The following MUC4 variants were observed in gnomAD, a reference collection of about 807,000 sequenced individuals.
The protein encoded by MUC4 is mucin 4, cell surface associated, also known as mucin-4.
MUC4 carries 202 observed loss-of-function variants against 257.9 expected under a neutral mutation model. The observed-to-expected ratio is 0.78, with a 90% CI of 0.70 to 0.88. The LOEUF (loss-of-function observed/expected upper bound fraction) is 0.88. Among genes scored for constraint, MUC4 ranks in the 40% least tolerant of loss-of-function variants. The pLI, the probability that MUC4 is intolerant of heterozygous loss-of-function variation, is 0.00. For synonymous variants in MUC4, 2,351 were observed against 2,757.1 expected (o/e 0.85, Z 4.62); for missense variants, 5,976 against 6,513.7 (o/e 0.92, Z 2.84).
At chr3:195,759,885 C>T (rs1718415315) in intron 16 of MUC4, among the ~76,000 whole-genome samples, 2 of 137,082 alleles carry the variant, frequency 1.5e-5, no homozygotes, top group African/African-American at 5.2e-5. Flanking sequence ...CGTCACTGCA[C>T]TCCAGCCTGG....
Position 195,785,509 on chromosome 3 carries a change from G to T in MUC4, c.6071C>A (p.Ser2024Ter). ...ATPLPVTSLS[S>*]ASTGDTTPLP... The stretch of plus-strand genomic sequence containing the variant: ...CGGCGTGGTGTCACCAGTGGATGCT[G>T]AGGAAAGGCTGGTGACAGGAAGAGG... The change falls in exon 2 of 25, where the codon TCA becomes TAA. Residue 2024 changes from serine (S) to a stop codon, truncating the protein, a stop_gained. Transcript: ENST00000463781. LOFTEE classifies it high-confidence loss of function. 1 of 1,521,902 alleles carries T rather than the reference G, an allele frequency of 6.6e-7. No individual in the cohort carries two copies. The highest frequency in any genetic ancestry group is 2.3e-4 in the Middle Eastern group (1 of 4,396). 94.3% of individuals were successfully genotyped at this position (1,521,902 alleles called of 1,614,324 possible).
At chr3:195,775,255 A>G (rs1414182967) in intron 3 of MUC4, among the ~76,000 whole-genome samples, 1 of 152,030 alleles carries the variant, frequency 6.6e-6, no homozygotes, top group Non-Finnish European at 1.5e-5. Context: ...CGTTGCCTAC[A>G]GGATTCCCCG....
chr3:195,774,058 G>A lies in MUC4; in HGVS notation c.13077+114C>T, dbSNP rs1424615218. The A allele has an allele frequency of 2.4e-5, 32 of 1,322,744 alleles. No homozygotes were observed. The Admixed American group carries it at 3.8e-4, about 16-fold the overall frequency. The allele number at this position is 1,322,744 out of a possible 1,614,324, so 81.9% of individuals were successfully genotyped here. ...CATTAAGGAGGCTGTGGGGATGGAC[G>A]AGGGGCCCAGCCAAGGCTGCTTCCA... On this transcript the variant is annotated intron_variant, in intron 4 of 24. Transcript: ENST00000463781.
chr3:195,786,709 G>A lies in MUC4; in HGVS notation c.4871C>T (p.Ser1624Leu), dbSNP rs1191987969. 2 of 1,532,618 alleles carry A rather than the reference G, an allele frequency of 1.3e-6. No individual in the cohort carries two copies. 94.9% of individuals were successfully genotyped at this position (1,532,618 alleles called of 1,614,324 possible). ...AGGGGTGGTGTCACCTGTGGATGCTGAGGAAGTGTCGGTGACAGGAAGAGG... is the reference window on the plus strand; with the variant it reads ...AGGGGTGGTGTCACCTGTGGATGCTAAGGAAGTGTCGGTGACAGGAAGAGG... Reference protein sequence around the residue: ...TTPLPVTDTSSASTGDTTPLP... With the variant: ...TTPLPVTDTSLASTGDTTPLP... The change falls in exon 2 of 25, where the codon TCA becomes TTA. Residue 1624 changes from serine (S) to leucine (L), a missense_variant. Ser to Leu is a moderately radical substitution (Grantham distance 145). This residue lies in a region of MUC4 where 61 missense variants were observed against 100.2 expected (regional missense o/e 0.61). Coordinates refer to ENST00000463781, the MANE Select transcript of MUC4 (RefSeq NM_018406.7).
In MUC4 at chr3:195,808,143, G is replaced by A. The variant is rs528198536; in HGVS notation, c.82+3593C>T. ...CTTAGATGAAGGGATATGACCCTGG[G>A]CCGACACAAGTGCCATTCCGGGTTC... On this transcript the variant is annotated intron_variant, in intron 1 of 24. Coordinates refer to ENST00000463781, the MANE Select transcript of MUC4 (RefSeq NM_018406.7). Among the ~76,000 whole-genome samples, 4 of 152,350 alleles carry A rather than the reference G, an allele frequency of 2.6e-5. No homozygotes were observed. The South Asian group carries it at 6.2e-4, about 24-fold the overall frequency.
chr3:195,795,675 A>C (rs1225799248), intron 1 of MUC4, among the ~76,000 whole-genome samples: 1 of 152,172 alleles, frequency 6.6e-6, no homozygotes, highest in Non-Finnish European at 1.5e-5. Context: ...AACCGCCAGC[A>C]AAAAAGGTAG....
rs112705511 is a variant in MUC4, at chr3:195,787,666, G to T, written c.3914C>A (p.Ala1305Glu). ...TPLHVTSPSS[A>E]STGHATPLPV... Reference sequence around the variant, plus strand: ...AAGAGGGGTGGCGTGACCTGTGGATGCTGAGGAAGGGCTGGTGACATGAAG... The same window carrying T: ...AAGAGGGGTGGCGTGACCTGTGGATTCTGAGGAAGGGCTGGTGACATGAAG... Residue 1305 changes from alanine (A) to glutamate (E), a missense_variant, in exon 2 of 25, where the codon GCA becomes GAA. Coordinates refer to ENST00000463781, the MANE Select transcript of MUC4 (RefSeq NM_018406.7). 7 of 687,720 alleles carry T rather than the reference G, an allele frequency of 1.0e-5. No homozygotes were observed. Among genetic ancestry groups the T allele is most frequent in the Middle Eastern group, 4.7e-4 (1 of 2,128 alleles). The allele number at this position is 687,720 out of a possible 1,614,324, so 42.6% of individuals were successfully genotyped here.
At chr3:195,798,885 C>A (rs975951038) in intron 1 of MUC4, among the ~76,000 whole-genome samples, 3 of 152,040 alleles carry the variant, frequency 2.0e-5, no homozygotes, top group African/African-American at 4.8e-5. Flanking sequence ...CCTTGCTTCC[C>A]CCTTTTGGAG....
At position 195,786,277 on chromosome 3, in the gene MUC4, G is replaced by A. The variant is rs1366565388; in HGVS notation, c.5303C>T (p.Ser1768Leu). The A allele has an allele frequency of 4.0e-6, 6 of 1,501,114 alleles. No homozygotes were observed. The highest frequency in any genetic ancestry group is 2.1e-5 in the Admixed American group (1 of 48,562). 93.0% of individuals were successfully genotyped at this position (1,501,114 alleles called of 1,614,324 possible). The change falls in exon 2 of 25, where the codon TCA becomes TTA. Residue 1768 changes from serine to leucine, a missense_variant. Transcript: ENST00000463781. Reference sequence around the variant, plus strand: ...TGGGGTGGCGTGAGCTGTGGATACTGAGGAAGTGTCGGTGACAGGAAGAGG... The same window carrying A: ...TGGGGTGGCGTGAGCTGTGGATACTAAGGAAGTGTCGGTGACAGGAAGAGG... The part of the protein sequence containing the change: ...ATPLPVTDTS[S>L]VSTAHATPLP...
chr3:195,788,370 G>T lies in MUC4; in HGVS notation c.3210C>A (p.Val1070=). The T allele has an allele frequency of 6.5e-7, 1 of 1,540,544 alleles. No homozygotes were observed. The highest frequency in any genetic ancestry group is 2.0e-5 in the Admixed American group (1 of 50,514). ...TDTSSASTGH[V]TPLPVTSLSS... ...AAAGGCTGGTGACAGGAAGAGGGGT[G>T]ACGTGACCTGTGGATGCTGAGGAAG... The change falls in exon 2 of 25, where the codon GTC becomes GTA. Residue 1070 remains valine, a synonymous_variant. Transcript: ENST00000463781.
intron 4 of MUC4, among the ~76,000 whole-genome samples, chr3:195,773,828 G>A (rs1723735046): frequency 6.6e-6 from 1 of 152,242 alleles, no homozygotes. Flanking sequence ...CAGGGCCACA[G>A]GAGCCAGGAC....
Position 195,760,972 on chromosome 3 carries a change from G to C in MUC4, c.14760C>G (p.Ile4920Met). 6.2e-7 allele frequency: 1 copy of C among 1,614,214 alleles called. No individual in the cohort carries two copies. The highest frequency in any genetic ancestry group is 8.5e-7 in the Non-Finnish European group (1 of 1,180,028). Residue 4920 changes from isoleucine to methionine, a missense_variant, in exon 16 of 25, where the codon ATC becomes ATG. Ile to Met is a conservative substitution (Grantham distance 10). This residue lies in a region of MUC4 where 996 missense variants were observed against 1,137.3 expected (regional missense o/e 0.88). Transcript: ENST00000463781. ...ISNCDGDSSC[I>M]YDTLALRNAS... ...CGTTGCGCAGGGCCAGGGTGTCATA[G>C]ATGCATGAGCTATCTCCGTCACAGT...
In MUC4 at chr3:195,751,011, T is replaced by G; in HGVS notation, c.15749A>C (p.Asn5250Thr). The G allele has an allele frequency of 1.9e-6, 3 of 1,613,784 alleles. No homozygotes were observed. Among genetic ancestry groups the G allele is most frequent in the Non-Finnish European group, 1.7e-6 (2 of 1,179,930 alleles). ...PRGPVIDFLN[N>T]QLLAAVVEAF... ...CTCCACCACCGCGGCCAGCAGCTGG[T>G]TGTTCAGGAAGTCAATGACCGGGCC... is the stretch of plus-strand genomic sequence containing the variant. Residue 5250 changes from asparagine (N) to threonine (T), a missense_variant, in exon 23 of 25, where the codon AAC (asparagine) becomes ACC (threonine). This residue lies in a region of MUC4 where 310 missense variants were observed against 242.1 expected (regional missense o/e 1.28). Transcript: ENST00000463781.
In MUC4 at chr3:195,785,131, G is replaced by GGGC. The variant is rs1271172212; in HGVS notation, c.6448_6449insGCC (p.Thr2150delinsSerPro). 1.6e-4 allele frequency: 227 copies of GGGC among 1,455,034 alleles called. 5 individuals carry two copies. The highest frequency in any genetic ancestry group is 3.1e-4 in the South Asian group (24 of 78,216). The allele number at this position is 1,455,034 out of a possible 1,614,324, so 90.1% of individuals were successfully genotyped here. Reference sequence around the variant, plus strand: ...GGCGTGACCTGTGGATACTGAGGAAGTTTCGGTGACAGGAAGAGGGGTGGT... The same window carrying GGGC: ...GGCGTGACCTGTGGATACTGAGGAAGGGCTTTCGGTGACAGGAAGAGGGGTGGT... On this transcript the variant is annotated protein_altering_variant, in exon 2 of 25. Transcript: ENST00000463781.
intron 1 of MUC4, among the ~76,000 whole-genome samples, chr3:195,792,942 T>C (rs551477577): frequency 1.4e-3 from 219 of 152,114 alleles, no homozygotes; most frequent in Non-Finnish European, 2.4e-3. Flanking sequence ...TGAGAACACA[T>C]GGACACAGAG....
intron 24 of MUC4, 119 bp from the exon 25 acceptor site, chr3:195,747,499 G>T: frequency 8.4e-7 from 1 of 1,187,302 alleles, no homozygotes; most frequent in Non-Finnish European, 1.2e-6. Flanking sequence ...CCACTCTCCG[G>T]AGAGACTGAG....
intron 7 of MUC4, 137 bp downstream of exon 7, chr3:195,768,885 C>G: frequency 8.5e-7 from 1 of 1,169,756 alleles, no homozygotes; most frequent in East Asian, 2.6e-5. Flanking sequence ...CCAGCGGGAG[C>G]TGGAGTCAGC....
rs1393951933 is a variant in MUC4 at position 195,784,050 on chromosome 3, G to A, written c.7530C>T (p.Thr2510=). Residue 2510 remains threonine, a synonymous_variant, in exon 2 of 25, where the codon ACC becomes ACT. Coordinates refer to ENST00000463781, the MANE Select transcript of MUC4 (RefSeq NM_018406.7). The part of the protein sequence containing the change: ...TSPSSASTGH[T]TPLPVTDTPS... The stretch of plus-strand genomic sequence containing the variant: ...GAGTGTCGGTGACAGGTAGAGGGGT[G>A]GTGTGACCTGTAGATGCTGAGGAAG... 4 of 1,525,720 alleles carry A rather than the reference G, an allele frequency of 2.6e-6. No individual in the cohort carries two copies. The highest frequency in any genetic ancestry group is 1.2e-5 in the South Asian group (1 of 83,448). The allele number at this position is 1,525,720 out of a possible 1,614,324, so 94.5% of individuals were successfully genotyped here. A position where few individuals can be genotyped will look rare whatever the true frequency, so the allele number is the denominator to read the frequency against.
At chr3:195,792,384 T>C (rs1203448559) in intron 1 of MUC4, among the ~76,000 whole-genome samples, 1 of 152,180 alleles carries the variant, frequency 6.6e-6, no homozygotes, top group Non-Finnish European at 1.5e-5. Context: ...GAAAAAAGGC[T>C]CATCATCATG....
Sources: gnomAD v4.1 joint callset for allele counts (sites outside exome capture counted in the v4.1 genomes callset) on GRCh38, gnomAD v4.1.1 for gene constraint, gnomAD v4.1.1 regional missense constraint, MANE v1.5 for transcripts, NCBI Gene and HGNC (gene_info 2026-07-23, HGNC 2026-07-21) for gene names.